The following POLL variants were observed in gnomAD, a reference collection of about 807,000 sequenced individuals.
POLL encodes the protein DNA polymerase beta-2.
POLL carries 44 observed loss-of-function variants against 58.1 expected under a neutral mutation model. The ratio of observed to expected loss-of-function variants is 0.76; its 90% confidence interval spans 0.60 to 0.97. The LOEUF is 0.97. POLL is among the 50% of genes least tolerant of loss of function. The pLI is 0.00. For missense variants in POLL, 632 were observed against 736.8 expected (o/e 0.86, Z 1.65); for synonymous variants, 290 against 283.2 (o/e 1.02, Z -0.24).
Position 101,580,275 on chromosome 10 carries a change from G to A in POLL, c.1336C>T (p.Arg446Cys), listed in dbSNP as rs771293377. 2.2e-5 allele frequency: 36 copies of A among 1,613,834 alleles called. No homozygotes were observed. The highest frequency in any genetic ancestry group is 8.8e-5 in the South Asian group (8 of 91,090). The change falls in exon 8 of 9, where the codon CGC becomes TGC. Residue 446 changes from arginine (R) to cysteine (C), a missense_variant. Physicochemically the swap from Arg to Cys is radical, Grantham distance 180. Transcript: ENST00000370162. This position sits in a 1 kb window ranked among gnomAD's most constrained non-coding sequence, Gnocchi z 4.1. ...DGRSHRGIFS[R>C]LLDSLRQEGF... is the part of the protein sequence containing the mutation. ...TCCTGCCGAAGACTGTCAAGGAGGC[G>A]GCTGAAGATACCCCGGTGGGACCGG...
chr10:101,587,824 C>G lies in POLL; in HGVS notation c.-49G>C. 1 of 1,191,292 alleles carries G rather than the reference C, an allele frequency of 8.4e-7. No individual in the cohort carries two copies. The highest frequency in any genetic ancestry group is 1.1e-6 in the Non-Finnish European group (1 of 942,716). 73.8% of individuals were successfully genotyped at this position (1,191,292 alleles called of 1,614,324 possible). ...AACCCCACATACTATTTCTCTACCT[C>G]CAACACAGACTCGCAGAGGAAGGAG... On this transcript the variant is annotated splice_region_variant and 5_prime_UTR_variant, in exon 1 of 9. Coordinates refer to ENST00000370162, the MANE Select transcript of POLL (RefSeq NM_001174084.2).
intron 2 of POLL, 112 bp downstream of exon 2, chr10:101,587,134 G>A: frequency 6.2e-7 from 1 of 1,607,976 alleles, no homozygotes; most frequent in Non-Finnish European, 8.5e-7. Flanking sequence ...GCAGGCCCTG[G>A]ACAGGCAGAG....
chr10:101,587,676 T>C, intron 1 of POLL, 146 bp downstream of exon 1: 2 of 979,680 alleles, frequency 2.0e-6, no homozygotes, highest in Non-Finnish European at 2.7e-6. Flanking sequence ...CTCAGAGGGG[T>C]TGCGCTAAAG....
rs2062919863 is a variant in POLL, at chr10:101,580,388, G to C, written c.1223C>G (p.Ser408Cys). 1.2e-6 allele frequency: 2 copies of C among 1,613,878 alleles called. No individual in the cohort carries two copies. The highest frequency in any genetic ancestry group is 1.7e-5 in the Admixed American group (1 of 60,000). ...TVQKAAQAFN[S>C]GLLCVACGSY... ...ACCACATGCCACACACAGCAGCCCA[G>C]AGTTAAAGGCCTGGGCTGCTTTCTG... Residue 408 changes from serine (S) to cysteine (C), a missense_variant, in exon 8 of 9, where the codon TCT becomes TGT. Physicochemically the swap from Ser to Cys is moderately radical, Grantham distance 112. Transcript: ENST00000370162. The surrounding 1 kb of genome is among the most constrained non-coding windows in gnomAD (Gnocchi z 4.1).
chr10:101,584,786 A>T lies in POLL; in HGVS notation c.707T>A (p.Leu236Gln). 6.2e-7 allele frequency: 1 copy of T among 1,608,858 alleles called. No individual in the cohort carries two copies. The highest frequency in any genetic ancestry group is 8.5e-7 in the Non-Finnish European group (1 of 1,176,928). Residue 236 changes from leucine (L) to glutamine (Q), a missense_variant, in exon 5 of 9, where the codon CTG becomes CAG. Transcript: ENST00000370162. Reference sequence around the variant, plus strand: ...GGGCTGTGCACAGACCCACTTATCCAGGACAGCAGGGGCTGGGCTAGGCTC... The same window carrying T: ...GGGCTGTGCACAGACCCACTTATCCTGGACAGCAGGGGCTGGGCTAGGCTC... ...DCEPSPAPAV[L>Q]DKWVCAQPSS...
intron 7 of POLL, 125 bp downstream of exon 7, chr10:101,582,638 T>A: frequency 3.1e-6 from 3 of 970,026 alleles, no homozygotes; most frequent in Non-Finnish European, 4.8e-6. Context: ...GTGCTCAACC[T>A]CTGGTGATCC....
chr10:101,583,324 A>G (rs1418700629), intron 6 of POLL, 184 bp downstream of exon 6: 25 of 621,288 alleles, frequency 4.0e-5, no homozygotes, highest in Non-Finnish European at 5.6e-5. Flanking sequence ...CCAAGCAACA[A>G]GGCTGTTCTG....
rs780949097 is a variant in POLL at position 101,583,684 on chromosome 10, AGAG to A, written c.892-6_892-4del. On this transcript the variant is annotated splice_region_variant and splice_polypyrimidine_tract_variant and intron_variant, in intron 5 of 8. Transcript: ENST00000370162. ...ATCCCAGGGATACTGCAGGCCTCCT[AGAG>A]GAGGAGGAGGCAGAGGCAAGAAAGA... 5.0e-5 allele frequency: 81 copies of A among 1,613,052 alleles called. No homozygotes were observed. The highest frequency in any genetic ancestry group is 6.4e-5 in the Non-Finnish European group (75 of 1,179,292).
chr10:101,585,981 A>C lies in POLL; in HGVS notation c.291T>G (p.Leu97=). The change falls in exon 3 of 9, where the codon CTT becomes CTG. Residue 97 remains leucine, a synonymous_variant. Coordinates refer to ENST00000370162, the MANE Select transcript of POLL (RefSeq NM_001174084.2). The part of the protein sequence containing the change: ...EGMDYERALR[L]LRLPQLPPGA... ...CCGGGGGCAGCTGGGGTAGTCTGAG[A>C]AGGCGGAGGGCTCGCTCATAGTCCA... is the stretch of plus-strand genomic sequence containing the variant. 1 of 1,614,096 alleles carries C rather than the reference A, an allele frequency of 6.2e-7. No individual in the cohort carries two copies. The highest frequency in any genetic ancestry group is 8.5e-7 in the Non-Finnish European group (1 of 1,179,996).
At chr10:101,586,935 C>T (rs141310772) in intron 2 of POLL, among the ~76,000 whole-genome samples, 1 of 152,192 alleles carries the variant, frequency 6.6e-6, no homozygotes, top group Non-Finnish European at 1.5e-5. Flanking sequence ...CAACTAACAA[C>T]AAGCCTGGGT....
chr10:101,583,188 G>C (rs2063101258), intron 6 of POLL: 1 of 599,352 alleles, frequency 1.7e-6, no homozygotes, highest in Non-Finnish European at 3.0e-6. Flanking sequence ...TGTGGGCAGA[G>C]CCAGGATTGG....
At chr10:101,582,227 C>G (rs185866701) in intron 7 of POLL, 1 of 154,670 alleles carries the variant, frequency 6.5e-6, no homozygotes, top group East Asian at 1.9e-4. Flanking sequence ...TGCTTTTACA[C>G]CAACTCTACC....
At chr10:101,585,282 G>T in intron 4 of POLL, 34 bp downstream of exon 4, 3 of 1,494,376 alleles carry the variant, frequency 2.0e-6, no homozygotes, top group Non-Finnish European at 2.7e-6. Flanking sequence ...GCTTCCTAGG[G>T]GAAGGGAGTT....
In POLL at chr10:101,588,132, A is replaced by G. The variant is rs887388651; in HGVS notation, c.-357T>C. On this transcript the variant is annotated 5_prime_UTR_variant, in exon 1 of 9. Transcript: ENST00000370162. ...CCCCAAGAGTCTCTCCAACCCCCAG[A>G]GTCGGTCCCCGGGTGGGGTCGACTA... The G allele has an allele frequency of 6.6e-7, 1 of 1,516,924 alleles. No homozygotes were observed. Among genetic ancestry groups the G allele is most frequent in the Non-Finnish European group, 8.8e-7 (1 of 1,134,762 alleles). 94.0% of individuals were successfully genotyped at this position (1,516,924 alleles called of 1,614,324 possible).
chr10:101,583,739 C>T (rs1431571359), intron 5 of POLL, 58 bp from the exon 6 acceptor site: 1 of 1,522,004 alleles, frequency 6.6e-7, no homozygotes, highest in Admixed American at 1.7e-5. Context: ...AGAGGTAGAG[C>T]CAGTGGAAAG....
Position 101,579,591 on chromosome 10 carries a change from A to G in POLL, c.1590T>C (p.His530=). 1 of 1,613,994 alleles carries G rather than the reference A, an allele frequency of 6.2e-7. No homozygotes were observed. The stretch of plus-strand genomic sequence containing the variant: ...TCCGGACCACAGCAGTGCTGAGGGC[A>G]TGTTCTGACAGACTCATGCCCTTGG... ...AKTKGMSLSE[H]ALSTAVVRNT... Residue 530 remains histidine (H), a synonymous_variant, in exon 9 of 9, where the codon CAT becomes CAC. Transcript: ENST00000370162. The surrounding 1 kb of genome is among the most constrained non-coding windows in gnomAD (Gnocchi z 4.4).
At chr10:101,585,013 G>A in intron 4 of POLL, 94 bp from the exon 5 acceptor site, 2 of 855,596 alleles carry the variant, frequency 2.3e-6, no homozygotes, top group Non-Finnish European at 3.3e-6. Flanking sequence ...GCGGGGGGAG[G>A]GTCTTCTAGT....
chr10:101,587,660 C>A, intron 1 of POLL, 162 bp downstream of exon 1: 1 of 965,298 alleles, frequency 1.0e-6, no homozygotes, highest in Non-Finnish European at 1.4e-6. Flanking sequence ...GGAAACGACA[C>A]CATTCCTCAG....
chr10:101,585,219 A>T, intron 4 of POLL, 97 bp downstream of exon 4: 1 of 1,066,000 alleles, frequency 9.4e-7, no homozygotes, highest in Non-Finnish European at 1.3e-6. Flanking sequence ...CTCCTCTCTC[A>T]GGGGCCTGGG....
Sources: gnomAD v4.1 joint callset for allele counts (sites outside exome capture counted in the v4.1 genomes callset) on GRCh38, gnomAD v4.1.1 for gene constraint, Gnocchi (gnomAD v3.1) non-coding constraint, MANE v1.5 for transcripts, NCBI Gene and HGNC (gene_info 2026-07-23, HGNC 2026-07-21) for gene names.